The following CCSER1 variants were observed in gnomAD, a reference collection of about 807,000 sequenced individuals.
CCSER1 encodes the protein coiled-coil serine rich protein 1.
A neutral mutation model predicts 82.0 loss-of-function variants in CCSER1; 41 were observed. The observed-to-expected ratio is 0.50, with a 90% CI of 0.39 to 0.65. The LOEUF (loss-of-function observed/expected upper bound fraction) is 0.65, where lower values mean the gene tolerates loss of function less well. CCSER1 is among the 30% of genes least tolerant of loss of function. The pLI is 0.00. For missense variants in CCSER1, 1,119 were observed against 1,064.2 expected, an observed-to-expected ratio of 1.05 and a Z score of -0.72; for synonymous variants, 414 against 383.9, an observed-to-expected ratio of 1.08 and a Z score of -0.92.
At position 90,956,962 on chromosome 4, in the gene CCSER1, A is replaced by C. The variant is rs1435666743; in HGVS notation, c.2172+33515A>C. Among the ~76,000 whole-genome samples the C allele has an allele frequency of 4.6e-5, 4 of 87,844 alleles. No individual in the cohort carries two copies. In the South Asian group the frequency reaches 1.4e-3, roughly 30 times the overall value. The allele number at this position is 87,844 out of a possible 152,430, so 57.6% of individuals were successfully genotyped here. A position where few individuals can be genotyped will look rare whatever the true frequency, so the allele number is the denominator to read the frequency against. ...AACCAGCCTTTTTTTTTTTTTTTGT[A>C]GAGACAGGATCTCACTATGTTGCCC... On this transcript the variant is annotated intron_variant, in intron 9 of 10. Coordinates refer to ENST00000509176, the MANE Select transcript of CCSER1 (RefSeq NM_001145065.2).
chr4:91,161,280 G>C (rs575689138), intron 10 of CCSER1, among the ~76,000 whole-genome samples: 1 of 152,138 alleles, frequency 6.6e-6, no homozygotes, highest in East Asian at 1.9e-4. Flanking sequence ...TTTGGTACTA[G>C]TACCCTGCTG....
chr4:90,301,746 G>A (rs1048490470), intron 1 of CCSER1, among the ~76,000 whole-genome samples: 18 of 151,968 alleles, frequency 1.2e-4, no homozygotes, highest in Non-Finnish European at 2.4e-4. Context: ...TAAGAATTGA[G>A]AAAAGATGTT....
intron 8 of CCSER1, among the ~76,000 whole-genome samples, chr4:90,830,099 G>A (rs188945963): frequency 3.4e-4 from 52 of 152,276 alleles, no homozygotes; most frequent in African/African-American, 1.0e-3. Flanking sequence ...GAGGCAATAC[G>A]ATAATTGCCA....
intron 10 of CCSER1, among the ~76,000 whole-genome samples, chr4:91,455,297 G>A (rs1560685318): frequency 6.6e-6 from 1 of 151,910 alleles, no homozygotes; most frequent in Non-Finnish European, 1.5e-5. Context: ...TCCTTGCTAT[G>A]GTCTGAATAT....
intron 10 of CCSER1, among the ~76,000 whole-genome samples, chr4:91,121,251 A>G (rs374254556): frequency 6.6e-6 from 1 of 151,656 alleles, no homozygotes; most frequent in African/African-American, 2.4e-5. Flanking sequence ...TTACCAATTT[A>G]ATTATTAGTT....
At chr4:90,916,302 G>T (rs1198094290) in intron 8 of CCSER1, among the ~76,000 whole-genome samples, 2 of 152,096 alleles carry the variant, frequency 1.3e-5, no homozygotes, top group Admixed American at 6.5e-5. Flanking sequence ...CATGGTACTG[G>T]TACCAAAACA....
intron 1 of CCSER1, among the ~76,000 whole-genome samples, chr4:90,141,633 T>A (rs1485188822): frequency 2.0e-5 from 3 of 152,246 alleles, no homozygotes; most frequent in Non-Finnish European, 4.4e-5. Flanking sequence ...TTAAGTTTGT[T>A]AACAACTCTA....
intron 9 of CCSER1, among the ~76,000 whole-genome samples, chr4:90,972,515 A>C (rs546144294): frequency 6.6e-6 from 1 of 151,946 alleles, no homozygotes; most frequent in Admixed American, 6.6e-5. Context: ...CTGATGAAAG[A>C]AATTGAAGAT....
intron 10 of CCSER1, among the ~76,000 whole-genome samples, chr4:91,592,921 T>C (rs1246834764): frequency 6.6e-6 from 1 of 152,132 alleles, no homozygotes; most frequent in Non-Finnish European, 1.5e-5. Context: ...TGCAAGCAAT[T>C]ATAACAGAAT....
At chr4:90,548,727 G>GATAT (rs60880201) in intron 5 of CCSER1, among the ~76,000 whole-genome samples, 1,741 of 143,612 alleles carry the variant, frequency 0.012, 14 homozygotes, top group Middle Eastern at 0.026. Flanking sequence ...ATCATTTAAA[G>GATAT]ATATATATAT....
chr4:90,218,419 G>A (rs1278287381), intron 1 of CCSER1, among the ~76,000 whole-genome samples: 2 of 152,030 alleles, frequency 1.3e-5, no homozygotes, highest in Non-Finnish European at 2.9e-5. Context: ...ATCACACGGT[G>A]TTTACTTTTG....
rs1229206717 is a variant in CCSER1 at position 90,823,864 on chromosome 4, A to G, written c.2094+8019A>G. Among the ~76,000 whole-genome samples the G allele has an allele frequency of 4.6e-5, 7 of 151,974 alleles. No homozygotes were observed. The East Asian group carries it at 1.3e-3, about 29-fold the overall frequency. ...TCTTCTGCAGACTCTTTTTTTATTA[A>G]ACAAATATTACATTTATTAAAATTT... On this transcript the variant is annotated intron_variant, in intron 8 of 10. Transcript: ENST00000509176.
intron 10 of CCSER1, among the ~76,000 whole-genome samples, chr4:91,178,458 T>C (rs1308327798): frequency 6.6e-6 from 1 of 152,132 alleles, no homozygotes; most frequent in African/African-American, 2.4e-5. Flanking sequence ...TCTTTGTAGG[T>C]CACTAAGGAC....
intron 10 of CCSER1, among the ~76,000 whole-genome samples, chr4:91,155,923 A>G (rs1730769628): frequency 6.6e-6 from 1 of 151,882 alleles, no homozygotes; most frequent in African/African-American, 2.4e-5. Context: ...AAAACTGAAC[A>G]CTGATATTAA....
At chr4:91,565,568 G>C (rs1019403671) in intron 10 of CCSER1, among the ~76,000 whole-genome samples, 3 of 151,790 alleles carry the variant, frequency 2.0e-5, no homozygotes, top group African/African-American at 4.8e-5. Flanking sequence ...TATCTTCTCT[G>C]ATTTCTGTGA....
At chr4:90,998,882 TC>T (rs1737747236) in intron 9 of CCSER1, among the ~76,000 whole-genome samples, 1 of 152,102 alleles carries the variant, frequency 6.6e-6, no homozygotes, top group Non-Finnish European at 1.5e-5. Flanking sequence ...CTTGCCTCCC[TC>T]CCTCCCTCCA....
intron 10 of CCSER1, among the ~76,000 whole-genome samples, chr4:91,304,627 T>G (rs1004377426): frequency 1.1e-4 from 17 of 152,062 alleles, no homozygotes; most frequent in African/African-American, 3.9e-4. Context: ...CAGCCAGAAT[T>G]TAATTAGATC....
intron 10 of CCSER1, among the ~76,000 whole-genome samples, chr4:91,326,303 A>G (rs754963995): frequency 2.0e-5 from 3 of 152,156 alleles, no homozygotes; most frequent in Non-Finnish European, 4.4e-5. Flanking sequence ...AGGCCTCAGG[A>G]AACTTACAAT....
intron 10 of CCSER1, among the ~76,000 whole-genome samples, chr4:91,561,158 G>A (rs1200416557): frequency 3.3e-5 from 5 of 151,350 alleles, no homozygotes; most frequent in African/African-American, 1.2e-4. Flanking sequence ...TGTTCTCAAA[G>A]TGTCGTGTCT....
Sources: allele counts gnomAD v4.1 joint callset (sites outside exome capture counted in the v4.1 genomes callset), GRCh38; gene constraint gnomAD v4.1.1; transcripts MANE v1.5; gene names NCBI Gene and HGNC (gene_info 2026-07-23, HGNC 2026-07-21).